Variants in DLG2 observed in about 807,000 individuals in gnomAD.
DLG2 encodes discs large MAGUK scaffold protein 2, also known as disks large homolog 2.
In DLG2, 45 loss-of-function variants were observed where a neutral mutation model predicts 132.5. The ratio of observed to expected loss-of-function variants is 0.34; its 90% CI spans 0.27 to 0.44. The LOEUF is 0.44. Among genes scored for constraint, DLG2 ranks in the 20% least tolerant of loss-of-function variants. The pLI, the probability that DLG2 is intolerant of heterozygous loss-of-function variation, is 1.00. For synonymous variants in DLG2, 424 were observed against 419.6 expected, an observed-to-expected ratio of 1.01 and a Z score of -0.13; for missense variants, 1,045 against 1,196.9, an observed-to-expected ratio of 0.87 and a Z score of 1.87.
chr11:84,896,395 T>C (rs373203918), intron 6 of DLG2, among the ~76,000 whole-genome samples: 1 of 152,030 alleles, frequency 6.6e-6, no homozygotes, highest in Non-Finnish European at 1.5e-5. Flanking sequence ...TTCCTCCCAA[T>C]ATTTCCCACG....
chr11:84,818,463 T>A (rs2077311714), intron 6 of DLG2, among the ~76,000 whole-genome samples: 1 of 151,670 alleles, frequency 6.6e-6, no homozygotes, highest in Non-Finnish European at 1.5e-5. Flanking sequence ...ATTAATAAAT[T>A]TATATTTATT....
intron 18 of DLG2, among the ~76,000 whole-genome samples, chr11:83,718,541 A>AT (rs1001091875): frequency 1.3e-5 from 2 of 150,966 alleles, no homozygotes; most frequent in Non-Finnish European, 3.0e-5. Flanking sequence ...AGAAAAAAAA[A>AT]AAAAAAAAAA....
intron 19 of DLG2, among the ~76,000 whole-genome samples, chr11:83,600,367 G>A (rs561654261): frequency 6.6e-6 from 1 of 152,058 alleles, no homozygotes; most frequent in Non-Finnish European, 1.5e-5. Context: ...AGAATGCAAT[G>A]TTTCTCTTGA....
chr11:84,273,669 T>C (rs1015231096), intron 7 of DLG2, among the ~76,000 whole-genome samples: 1 of 152,138 alleles, frequency 6.6e-6, no homozygotes, highest in Non-Finnish European at 1.5e-5. Flanking sequence ...TTGTGAAAAG[T>C]AGTAACATTG....
At chr11:84,926,823 A>T (rs2154087987) in intron 6 of DLG2, among the ~76,000 whole-genome samples, 1 of 152,180 alleles carries the variant, frequency 6.6e-6, no homozygotes, top group South Asian at 2.1e-4. Flanking sequence ...CATGAGCAAA[A>T]GTCAGGGAAT....
At chr11:84,143,518 A>G (rs753254136) in intron 9 of DLG2, among the ~76,000 whole-genome samples, 30 of 152,200 alleles carry the variant, frequency 2.0e-4, no homozygotes, top group Admixed American at 7.2e-4. Context: ...ACAGGTTTTA[A>G]TGCCTATTTT....
At chr11:84,280,947 T>C (rs1414942019) in intron 7 of DLG2, among the ~76,000 whole-genome samples, 6 of 149,976 alleles carry the variant, frequency 4.0e-5, no homozygotes. Flanking sequence ...GGTCTCGATT[T>C]CCTGACCTCG....
intron 19 of DLG2, among the ~76,000 whole-genome samples, chr11:83,607,718 C>T (rs989067568): frequency 2.0e-5 from 3 of 152,162 alleles, no homozygotes; most frequent in Non-Finnish European, 4.4e-5. Context: ...ATCCAAGTAT[C>T]CTTCAACAGA....
intron 18 of DLG2, among the ~76,000 whole-genome samples, chr11:83,694,811 A>C (rs2081593393): frequency 6.6e-6 from 1 of 152,250 alleles, no homozygotes; most frequent in East Asian, 1.9e-4. Context: ...AATGTAGCTG[A>C]AAATCTACTC....
rs147126161 is a variant in DLG2 at position 85,451,938 on chromosome 11, C to T, written c.40+146719G>A. Among the ~76,000 whole-genome samples the T allele has an allele frequency of 2.8e-4, 42 of 152,054 alleles. No individual in the cohort carries two copies. The East Asian group carries it at 7.3e-3, about 27-fold the overall frequency. ...TCCTTTTATATTCTATAAACTCATT[C>T]GAGGCTTTTGCATGTTGAGTAGCTG... On this transcript the variant is annotated intron_variant, in intron 3 of 27. Transcript: ENST00000376104.
chr11:85,370,552 T>G, intron 3 of DLG2, among the ~76,000 whole-genome samples: 1 of 152,230 alleles, frequency 6.6e-6, no homozygotes, highest in East Asian at 1.9e-4. Context: ...TTGGCAACAT[T>G]TGTAAGTGGT....
At chr11:84,192,961 C>A (rs149040786) in intron 8 of DLG2, among the ~76,000 whole-genome samples, 1,722 of 152,066 alleles carry the variant, frequency 0.011, 35 homozygotes, top group African/African-American at 0.036. Context: ...TTAGAAACTA[C>A]TCTATTGAAA....
At chr11:84,926,471 T>C (rs2092980456) in intron 6 of DLG2, among the ~76,000 whole-genome samples, 1 of 152,014 alleles carries the variant, frequency 6.6e-6, no homozygotes, top group Non-Finnish European at 1.5e-5. Context: ...TATTCTTATG[T>C]GGAAAGATGT....
chr11:85,053,213 C>A (rs1047035437), intron 6 of DLG2, among the ~76,000 whole-genome samples: 1 of 152,040 alleles, frequency 6.6e-6, no homozygotes, highest in Non-Finnish European at 1.5e-5. Flanking sequence ...ACCTTCCAGC[C>A]CTGCCATTCC....
intron 6 of DLG2, among the ~76,000 whole-genome samples, chr11:85,026,850 T>G (rs886718638): frequency 8.6e-5 from 13 of 151,616 alleles, no homozygotes; most frequent in Non-Finnish European, 1.3e-4. Context: ...AAAATAAAAA[T>G]AAATAAATAA....
chr11:85,341,358 G>A (rs2082488333), intron 3 of DLG2, among the ~76,000 whole-genome samples: 1 of 152,152 alleles, frequency 6.6e-6, no homozygotes, highest in African/African-American at 2.4e-5. Context: ...CTGACCTCGT[G>A]ATCTGCCCGC....
chr11:83,942,093 A>G (rs1311509736), intron 14 of DLG2, among the ~76,000 whole-genome samples: 1 of 152,208 alleles, frequency 6.6e-6, no homozygotes. Flanking sequence ...CATTTGTAGA[A>G]GCAAACCACT....
intron 6 of DLG2, among the ~76,000 whole-genome samples, chr11:84,714,019 C>T (rs2060733050): frequency 6.6e-6 from 1 of 151,836 alleles, no homozygotes; most frequent in Admixed American, 6.6e-5. Flanking sequence ...CATGTATAAA[C>T]CAAGGAAACC....
chr11:84,412,608 A>G (rs2098912712), intron 7 of DLG2, among the ~76,000 whole-genome samples: 1 of 152,242 alleles, frequency 6.6e-6, no homozygotes, highest in Admixed American at 6.5e-5. Flanking sequence ...CAATATGGAC[A>G]TAAGACAAAC....
Sources: allele counts gnomAD v4.1 joint callset (sites outside exome capture counted in the v4.1 genomes callset), GRCh38; gene constraint gnomAD v4.1.1; transcripts MANE v1.5; gene names NCBI Gene and HGNC (gene_info 2026-07-23, HGNC 2026-07-21).